MILR1: variants seen among roughly 807,000 people sequenced by gnomAD.
MILR1 encodes the protein allergin-1.
MILR1 carries 31 observed loss-of-function variants against 18.5 expected under a neutral mutation model. That is an observed-to-expected ratio of 1.68 (90% CI 1.26 to 2.26). The LOEUF is 2.26. Among genes scored for constraint, MILR1 ranks in the 30% most tolerant of loss-of-function variants. The probability of loss-of-function intolerance (pLI) is 0.00; values close to 1 mark genes in which losing one functional copy is unlikely to be tolerated. For synonymous variants in MILR1, 85 were observed against 56.2 expected (o/e 1.51, Z -2.30); for missense variants, 257 against 157.4 (o/e 1.63, Z -3.38).
the MILR1 span, among the ~76,000 whole-genome samples, chr17:64,482,663 G>C: frequency 1.3e-5 from 2 of 152,146 alleles, no homozygotes; most frequent in African/African-American, 4.8e-5. Flanking sequence ...ATTTTAAATG[G>C]CAAGCTATCA....
At chr17:64,480,605 T>C in the MILR1 span, among the ~76,000 whole-genome samples, 1 of 152,222 alleles carries the variant, frequency 6.6e-6, no homozygotes, top group East Asian at 1.9e-4. Context: ...CAAAGCTGAA[T>C]ACTAAATGCC....
chr17:64,466,560 G>A, intron 7 of MILR1, 34 bp from the exon 8 acceptor site: 6 of 1,610,908 alleles, frequency 3.7e-6, no homozygotes, highest in Non-Finnish European at 5.1e-6. Flanking sequence ...CACATAATTG[G>A]CCCAATAATT....
chr17:64,496,989 C>T, the MILR1 span: 1 of 1,592,660 alleles, frequency 6.3e-7, no homozygotes, highest in South Asian at 1.1e-5. Flanking sequence ...AGTTAAAGAG[C>T]ACACTCTCCC....
chr17:64,449,926 C>CTTTA, intron 2 of MILR1, among the ~76,000 whole-genome samples: 1 of 93,418 alleles, frequency 1.1e-5, no homozygotes, highest in African/African-American at 5.6e-5. Flanking sequence ...ACCTTAATTT[C>CTTTA]TTTCTTTCTT....
intron 3 of MILR1, among the ~76,000 whole-genome samples, chr17:64,455,199 G>GT (rs1250968136): frequency 3.9e-5 from 6 of 152,172 alleles, no homozygotes; most frequent in Non-Finnish European, 8.8e-5. Context: ...CAGTTCATAT[G>GT]TTTTTTGTGC....
downstream of MILR1, among the ~76,000 whole-genome samples, chr17:64,469,835 C>CA (rs1347374478): frequency 1.1e-4 from 17 of 152,170 alleles, no homozygotes; most frequent in African/African-American, 3.4e-4. Flanking sequence ...GCAATTGCCA[C>CA]TCACATCAGG....
chr17:64,473,364 A>AAAG (rs201075496), downstream of MILR1, among the ~76,000 whole-genome samples: 1 of 146,590 alleles, frequency 6.8e-6, no homozygotes, highest in Non-Finnish European at 1.5e-5. Flanking sequence ...AAAAAAAAAA[A>AAAG]AAGAAGAAGT....
At chr17:64,453,729 A>C (rs910555194) in intron 3 of MILR1, among the ~76,000 whole-genome samples, 2 of 151,772 alleles carry the variant, frequency 1.3e-5, no homozygotes, top group Non-Finnish European at 2.9e-5. Context: ...CCTAGCATTA[A>C]GGGCCTCATC....
At chr17:64,477,319 G>C in the MILR1 span, among the ~76,000 whole-genome samples, 1 of 152,234 alleles carries the variant, frequency 6.6e-6, no homozygotes, top group African/African-American at 2.4e-5. Context: ...TGACCAAAGA[G>C]ATGTAAAGAC....
At chr17:64,463,805 A>G (rs2037483969) in intron 5 of MILR1, among the ~76,000 whole-genome samples, 1 of 148,436 alleles carries the variant, frequency 6.7e-6, no homozygotes, top group Non-Finnish European at 1.5e-5. Context: ...TATGCACCAC[A>G]ACTCCTGGCT....
the MILR1 span, chr17:64,497,091 G>C: frequency 9.6e-7 from 1 of 1,043,216 alleles, no homozygotes; most frequent in Non-Finnish European, 1.4e-6. Context: ...CGTGCTTGCG[G>C]GCGGCAGGCC....
At chr17:64,458,647 G>A (rs2037356269) in intron 4 of MILR1, among the ~76,000 whole-genome samples, 1 of 151,992 alleles carries the variant, frequency 6.6e-6, no homozygotes, top group Admixed American at 6.6e-5. Context: ...CCTGTGTTTA[G>A]TGGGCTCTGG....
chr17:64,497,125 G>C, the MILR1 span: 2 of 760,180 alleles, frequency 2.6e-6, no homozygotes, highest in Non-Finnish European at 4.5e-6. Context: ...GCATGTCTGC[G>C]TTCCGGCCGC....
the MILR1 span, among the ~76,000 whole-genome samples, chr17:64,488,274 A>G: frequency 1.3e-5 from 2 of 152,212 alleles, no homozygotes; most frequent in African/African-American, 2.4e-5. Context: ...CAGAAATTCT[A>G]CTTAATATTT....
At chr17:64,496,150 T>C in the MILR1 span, among the ~76,000 whole-genome samples, 4 of 152,380 alleles carry the variant, frequency 2.6e-5, no homozygotes, top group African/African-American at 9.6e-5. Context: ...GACAGCACTG[T>C]GTTCAGAAGT....
the MILR1 span, among the ~76,000 whole-genome samples, chr17:64,476,845 TAA>T: frequency 1.0e-4 from 14 of 138,592 alleles, no homozygotes; most frequent in African/African-American, 3.4e-4. Context: ...AAAATTAAAA[TAA>T]AAAAAAAAAG....
At chr17:64,497,136 A>G in the MILR1 span, 2 of 718,322 alleles carry the variant, frequency 2.8e-6, no homozygotes, top group East Asian at 2.7e-5. Context: ...TTCCGGCCGC[A>G]GCCGTCCCCC....
In MILR1 at chr17:64,452,642, A is replaced by T; in HGVS notation, c.143A>T (p.Lys48Met). 1 of 445,166 alleles carries T rather than the reference A, an allele frequency of 2.2e-6. No individual in the cohort carries two copies. Among genetic ancestry groups the T allele is most frequent in the Non-Finnish European group, 4.1e-6 (1 of 243,324 alleles). 27.6% of individuals were successfully genotyped at this position (445,166 alleles called of 1,614,324 possible). ...GACTCAAAGACTAAGGTGGTTATGA[A>T]GGGTCAAAATGTATCTATGTTTTGT... ...CLDSKTKVVM[K>M]GQNVSMFCSH... The change falls in exon 3 of 10, where the codon AAG (lysine) becomes ATG (methionine). Residue 48 changes from lysine to methionine, a missense_variant. Coordinates refer to ENST00000619286, the MANE Select transcript of MILR1 (RefSeq NM_001085423.2).
At chr17:64,459,427 C>G (rs989676658) in intron 4 of MILR1, among the ~76,000 whole-genome samples, 2 of 150,704 alleles carry the variant, frequency 1.3e-5, no homozygotes, top group Admixed American at 6.6e-5. Context: ...AGAGCGAGAC[C>G]CTGTCTCAAA....
Sources: gnomAD v4.1 joint callset for allele counts (sites outside exome capture counted in the v4.1 genomes callset) on GRCh38, gnomAD v4.1.1 for gene constraint, MANE v1.5 for transcripts, NCBI Gene and HGNC (gene_info 2026-07-23, HGNC 2026-07-21) for gene names.